Variants in VPS50 observed in about 807,000 individuals in gnomAD.
VPS50 encodes the protein syndetin.
VPS50 carries 70 observed loss-of-function variants against 139.7 expected under a neutral mutation model. The ratio of observed to expected loss-of-function variants is 0.50; its 90% CI spans 0.41 to 0.61. VPS50 has a LOEUF of 0.61. Ranked by LOEUF, VPS50 falls within the 20% of genes least tolerant of loss-of-function variation. The probability of loss-of-function intolerance (pLI) is 0.00; values close to 1 mark genes in which losing one functional copy is unlikely to be tolerated. For missense variants in VPS50, 921 were observed against 1,133.7 expected (o/e 0.81, Z 2.69); for synonymous variants, 365 against 376.7 (o/e 0.97, Z 0.36).
intron 21 of VPS50, among the ~76,000 whole-genome samples, chr7:93,326,456 A>G (rs571756552): frequency 6.8e-6 from 1 of 147,298 alleles, no homozygotes; most frequent in South Asian, 2.1e-4. Flanking sequence ...ATAATAATAA[A>G]AAAAAAATAA....
At chr7:93,288,445 G>C (rs1383433251) in intron 12 of VPS50, among the ~76,000 whole-genome samples, 2 of 152,064 alleles carry the variant, frequency 1.3e-5, no homozygotes, top group Non-Finnish European at 2.9e-5. Flanking sequence ...AAATAACATG[G>C]TGCATATGTA....
At chr7:93,232,868 G>A (rs1794679344) in intron 1 of VPS50, among the ~76,000 whole-genome samples, 1 of 152,152 alleles carries the variant, frequency 6.6e-6, no homozygotes, top group South Asian at 2.1e-4. Flanking sequence ...AGGGTGGTGT[G>A]GTCTGTGCAG....
intron 23 of VPS50, among the ~76,000 whole-genome samples, chr7:93,347,700 A>G (rs1419282833): frequency 1.3e-5 from 2 of 149,246 alleles, no homozygotes; most frequent in East Asian, 2.0e-4. Context: ...ATTGGAAATC[A>G]TCATTCGCAG....
intron 12 of VPS50, among the ~76,000 whole-genome samples, chr7:93,288,553 A>G (rs1015533936): frequency 4.6e-5 from 7 of 152,188 alleles, no homozygotes; most frequent in South Asian, 2.1e-4. Flanking sequence ...TTAGATCGTG[A>G]CAAATTCCCC....
chr7:93,295,689 A>G (rs1363310067), intron 14 of VPS50, among the ~76,000 whole-genome samples: 6 of 151,718 alleles, frequency 4.0e-5, no homozygotes, highest in Non-Finnish European at 8.8e-5. Context: ...GCTGATCTTT[A>G]TTTTGACCAT....
intron 22 of VPS50, among the ~76,000 whole-genome samples, chr7:93,336,105 T>G (rs17165269): frequency 0.017 from 2,530 of 152,306 alleles, 86 homozygotes; most frequent in African/African-American, 0.058. Flanking sequence ...CAATACATTC[T>G]TTGGCTACTA....
At chr7:93,325,276 A>C (rs887281140) in intron 21 of VPS50, among the ~76,000 whole-genome samples, 23 of 152,312 alleles carry the variant, frequency 1.5e-4, no homozygotes, top group African/African-American at 5.5e-4. Flanking sequence ...CCTTCCTTAC[A>C]CCTTGTATAT....
chr7:93,323,576 G>C (rs770797018), intron 20 of VPS50, 35 bp from the exon 21 acceptor site: 6 of 941,976 alleles, frequency 6.4e-6, no homozygotes, highest in Non-Finnish European at 7.4e-6. Flanking sequence ...TTTTAATTTT[G>C]TTCTGCTTAA....
chr7:93,334,116 G>A lies in VPS50; in HGVS notation c.1978-1G>A, dbSNP rs745695719. On this transcript the variant is annotated splice_acceptor_variant, in intron 21 of 27. Coordinates refer to ENST00000305866, the MANE Select transcript of VPS50 (RefSeq NM_017667.4). LOFTEE classifies it high-confidence loss of function. Reference sequence around the variant, plus strand: ...ATATAACAAGCCTTTTTCTTTTTCAGTTGGAATCAACTGGACTCGGCCTTA... The same window carrying A: ...ATATAACAAGCCTTTTTCTTTTTCAATTGGAATCAACTGGACTCGGCCTTA... The A allele has an allele frequency of 3.2e-6, 5 of 1,557,466 alleles. No homozygotes were observed. The highest frequency in any genetic ancestry group is 3.6e-5 in the Admixed American group (2 of 55,920).
chr7:93,239,107 G>A (rs1794903839), intron 1 of VPS50, among the ~76,000 whole-genome samples: 1 of 152,102 alleles, frequency 6.6e-6, no homozygotes, highest in Non-Finnish European at 1.5e-5. Flanking sequence ...AGGACAATTT[G>A]TATCATAAAT....
chr7:93,333,874 C>A (rs528455839), intron 21 of VPS50: 2 of 415,250 alleles, frequency 4.8e-6, no homozygotes, highest in Admixed American at 4.4e-5. Context: ...GAACTCTCTC[C>A]TGATAATTCT....
intron 9 of VPS50, among the ~76,000 whole-genome samples, chr7:93,270,097 T>C (rs1795958708): frequency 6.6e-6 from 1 of 152,038 alleles, no homozygotes; most frequent in Non-Finnish European, 1.5e-5. Flanking sequence ...TGAGATAAAA[T>C]TCAAATAATG....
intron 14 of VPS50, among the ~76,000 whole-genome samples, chr7:93,295,222 T>C (rs1006495614): frequency 1.3e-5 from 2 of 152,188 alleles, no homozygotes; most frequent in Admixed American, 1.3e-4. Flanking sequence ...AGGCTGGAAG[T>C]CAGAGATCAG....
chr7:93,256,649 T>G, intron 5 of VPS50, 87 bp downstream of exon 5: 1 of 720,590 alleles, frequency 1.4e-6, no homozygotes, highest in Non-Finnish European at 2.3e-6. Flanking sequence ...TTGTATTTTT[T>G]GTCAATAATT....
In VPS50 at chr7:93,297,240, A is replaced by G; in HGVS notation, c.1358A>G (p.His453Arg). 10 of 1,547,966 alleles carry G rather than the reference A, an allele frequency of 6.5e-6. No homozygotes were observed. The highest frequency in any genetic ancestry group is 7.8e-6 in the Non-Finnish European group (9 of 1,159,518). Reference sequence around the variant, plus strand: ...AGTGTCAATTATTTCAAGAATTACCATAGGTAAGAACTCTAATAAGATATG... The same window carrying G: ...AGTGTCAATTATTTCAAGAATTACCGTAGGTAAGAACTCTAATAAGATATG... ...KQSVNYFKNY[H>R]RTRLDELRMF... is the part of the protein sequence containing the mutation. Residue 453 changes from histidine (H) to arginine (R), a missense_variant, in exon 16 of 28, where the codon CAT (histidine) becomes CGT (arginine). By Grantham distance (29) the His-to-Arg change is conservative. Around this residue, in one of 3 missense-constraint regions of VPS50, gnomAD observed 744 missense variants for 930.6 expected, o/e 0.80. Transcript: ENST00000305866.
intron 22 of VPS50, among the ~76,000 whole-genome samples, chr7:93,339,287 T>C (rs1429655442): frequency 6.7e-6 from 1 of 149,574 alleles, no homozygotes; most frequent in Non-Finnish European, 1.5e-5. Context: ...ATTGAGTAAT[T>C]AGAGATTGAA....
chr7:93,236,200 G>T (rs971338961), intron 1 of VPS50, among the ~76,000 whole-genome samples: 2 of 152,206 alleles, frequency 1.3e-5, no homozygotes, highest in African/African-American at 2.4e-5. Context: ...AGTAAGGTGA[G>T]AGTGAGAATG....
intron 2 of VPS50, among the ~76,000 whole-genome samples, chr7:93,244,996 C>A (rs1465912066): frequency 6.6e-6 from 1 of 151,780 alleles, no homozygotes; most frequent in Non-Finnish European, 1.5e-5. Context: ...ACTTATGGAA[C>A]CAGGCAGTTA....
chr7:93,267,674 A>G (rs1003384826), intron 9 of VPS50, among the ~76,000 whole-genome samples: 1 of 152,144 alleles, frequency 6.6e-6, no homozygotes, highest in Non-Finnish European at 1.5e-5. Flanking sequence ...TTAGCAGGGA[A>G]GGACTTCCCA....
Sources: gnomAD v4.1 joint callset for allele counts (sites outside exome capture counted in the v4.1 genomes callset) on GRCh38, gnomAD v4.1.1 for gene constraint, gnomAD v4.1.1 regional missense constraint, MANE v1.5 for transcripts, NCBI Gene and HGNC (gene_info 2026-07-23, HGNC 2026-07-21) for gene names.